Variants in NKAIN3 observed in about 807,000 individuals in gnomAD.
The protein encoded by NKAIN3 is sodium/potassium transporting ATPase interacting 3, also known as sodium/potassium-transporting ATPase subunit beta-1-interacting protein 3.
In NKAIN3, 25 loss-of-function variants were observed where a neutral mutation model predicts 30.2. The observed-to-expected ratio is 0.83, with a 90% CI of 0.60 to 1.16. The LOEUF is 1.16. Ranked by LOEUF, NKAIN3 falls within the 50% of genes most tolerant of loss-of-function variation. The probability of loss-of-function intolerance (pLI) is 0.00; values close to 1 mark genes in which losing one functional copy is unlikely to be tolerated. For missense variants in NKAIN3, 225 were observed against 254.1 expected (o/e 0.89, Z 0.78); for synonymous variants, 91 against 89.6 (o/e 1.02, Z -0.09).
At chr8:62,913,993 G>T (rs1822002244) in intron 4 of NKAIN3, among the ~76,000 whole-genome samples, 2 of 152,148 alleles carry the variant, frequency 1.3e-5, no homozygotes, top group Admixed American at 1.3e-4. Context: ...CTGTTACTGG[G>T]TATATACCCA....
At chr8:62,835,690 A>G (rs1006118413) in intron 4 of NKAIN3, among the ~76,000 whole-genome samples, 6 of 152,246 alleles carry the variant, frequency 3.9e-5, no homozygotes, top group African/African-American at 1.4e-4. Flanking sequence ...TCAAAAAACA[A>G]CAGATGCTGG....
intron 1 of NKAIN3, among the ~76,000 whole-genome samples, chr8:62,409,953 C>T (rs1480610945): frequency 6.6e-6 from 1 of 151,982 alleles, no homozygotes; most frequent in African/African-American, 2.4e-5. Context: ...CAATATTTAG[C>T]AACTTTTTAA....
intron 4 of NKAIN3, among the ~76,000 whole-genome samples, chr8:62,916,870 T>C (rs112176092): frequency 1.3e-4 from 20 of 152,270 alleles, no homozygotes; most frequent in African/African-American, 4.3e-4. Context: ...GGATACTCTC[T>C]GAGTGTGACA....
chr8:62,796,950 T>G (rs1351540480), intron 4 of NKAIN3, among the ~76,000 whole-genome samples: 1 of 152,214 alleles, frequency 6.6e-6, no homozygotes, highest in Admixed American at 6.5e-5. Flanking sequence ...ATCTCACAAG[T>G]ATTTTAGACT....
At chr8:62,473,706 C>T (rs1806427642) in intron 1 of NKAIN3, among the ~76,000 whole-genome samples, 1 of 152,082 alleles carries the variant, frequency 6.6e-6, no homozygotes, top group Admixed American at 6.5e-5. Context: ...TACTTGTCTG[C>T]ATATACATTA....
intron 4 of NKAIN3, among the ~76,000 whole-genome samples, chr8:62,767,126 C>A (rs923804968): frequency 1.3e-5 from 2 of 152,144 alleles, no homozygotes; most frequent in African/African-American, 4.8e-5. Flanking sequence ...ACACTTAATT[C>A]TTTCCCTCCG....
At chr8:62,680,072 G>A (rs941969872) in intron 3 of NKAIN3, among the ~76,000 whole-genome samples, 9 of 152,060 alleles carry the variant, frequency 5.9e-5, no homozygotes, top group Non-Finnish European at 1.3e-4. Flanking sequence ...GCATGAGAGG[G>A]ACTTGACCCA....
At chr8:62,928,631 C>G (rs1429465035) in intron 5 of NKAIN3, among the ~76,000 whole-genome samples, 1 of 152,152 alleles carries the variant, frequency 6.6e-6, no homozygotes, top group African/African-American at 2.4e-5. Context: ...GTATTCTAGA[C>G]GAGGGTTCCA....
chr8:62,248,949 AGCGGCGGCCGCGG>A lies in NKAIN3; in HGVS notation c.-123_-111del. On this transcript the variant is annotated 5_prime_UTR_variant, in exon 1 of 7. Coordinates refer to ENST00000623646, the MANE Select transcript of NKAIN3 (RefSeq NM_001304533.3). ...GCGAGCCCCGAGCCCTGGAGCCGCG[AGCGGCGGCCGCGG>A]GGCCGAGGAGCCTGGGCCGGGCCGG... 1 of 832,542 alleles carries A rather than the reference AGCGGCGGCCGCGG, an allele frequency of 1.2e-6. No individual in the cohort carries two copies. Among genetic ancestry groups the A allele is most frequent in the Non-Finnish European group, 1.8e-6 (1 of 563,210 alleles). The allele number at this position is 832,542 out of a possible 1,614,324, so 51.6% of individuals were successfully genotyped here.
chr8:62,543,217 G>A (rs533509136), intron 1 of NKAIN3, among the ~76,000 whole-genome samples: 1 of 152,150 alleles, frequency 6.6e-6, no homozygotes, highest in Non-Finnish European at 1.5e-5. Flanking sequence ...TGCTGCCTCA[G>A]AGTTCCACAC....
At chr8:62,603,358 T>C (rs1468945289) in intron 3 of NKAIN3, among the ~76,000 whole-genome samples, 1 of 152,142 alleles carries the variant, frequency 6.6e-6, no homozygotes, top group Non-Finnish European at 1.5e-5. Context: ...GATAGCCTTA[T>C]AAAATAAAAC....
At chr8:62,509,533 G>A (rs1028971780) in intron 1 of NKAIN3, among the ~76,000 whole-genome samples, 1 of 152,024 alleles carries the variant, frequency 6.6e-6, no homozygotes, top group Non-Finnish European at 1.5e-5. Context: ...TTAATGAAAT[G>A]CGGCAGTGGT....
At position 62,664,746 on chromosome 8, in the gene NKAIN3, A is replaced by G. The variant is rs10113278; in HGVS notation, c.273+74952A>G. On this transcript the variant is annotated intron_variant, in intron 3 of 6. Coordinates refer to ENST00000623646, the MANE Select transcript of NKAIN3 (RefSeq NM_001304533.3). The stretch of plus-strand genomic sequence containing the variant: ...TTCCACTCATGTTCTTCTCCCCCCT[A>G]TGCATCTACAGTGTTTAGATAACAT... 9.4e-3 allele frequency among the ~76,000 whole-genome samples: 1,432 copies of G among 152,168 alleles called. 24 individuals are homozygous for G. The highest frequency in any genetic ancestry group is 0.033 in the African/African-American group (1,357 of 41,526).
rs1818325441 is a variant in NKAIN3, at chr8:62,807,240, G to A, written c.471+60111G>A. 3.3e-5 allele frequency among the ~76,000 whole-genome samples: 5 copies of A among 152,072 alleles called. No individual in the cohort carries two copies. In the South Asian group the frequency reaches 6.2e-4, roughly 19 times the overall value. On this transcript the variant is annotated intron_variant, in intron 4 of 6. Transcript: ENST00000623646. ...ATAAATGTTAACATTTGCCATTTTT[G>A]TTTCAGGTATGTTTTAATAAACTTG...
chr8:62,731,054 A>C (rs1815447034), intron 3 of NKAIN3, among the ~76,000 whole-genome samples: 1 of 152,132 alleles, frequency 6.6e-6, no homozygotes, highest in Non-Finnish European at 1.5e-5. Context: ...GCTTTCAAGC[A>C]CAAAAATCTA....
At chr8:62,327,916 ATC>A (rs1815198746) in intron 1 of NKAIN3, among the ~76,000 whole-genome samples, 1 of 152,014 alleles carries the variant, frequency 6.6e-6, no homozygotes, top group African/African-American at 2.4e-5. Flanking sequence ...TGAACATGGG[ATC>A]TCTTTCCATT....
chr8:62,545,573 T>C (rs1000516848), intron 1 of NKAIN3, among the ~76,000 whole-genome samples: 1 of 152,104 alleles, frequency 6.6e-6, no homozygotes, highest in Non-Finnish European at 1.5e-5. Flanking sequence ...TCTAAATAAA[T>C]AAATAATGAA....
chr8:62,277,248 A>AT (rs759052953), intron 1 of NKAIN3, among the ~76,000 whole-genome samples: 1 of 152,126 alleles, frequency 6.6e-6, no homozygotes, highest in Non-Finnish European at 1.5e-5. Flanking sequence ...AGTAGGATAC[A>AT]TTTTTTCCTA....
intron 1 of NKAIN3, among the ~76,000 whole-genome samples, chr8:62,432,592 T>C (rs191940418): frequency 7.2e-4 from 110 of 152,206 alleles, no homozygotes; most frequent in African/African-American, 2.4e-3. Flanking sequence ...TTGTCTTTGA[T>C]CTTTCCTGAG....
Sources: allele counts gnomAD v4.1 joint callset (sites outside exome capture counted in the v4.1 genomes callset), GRCh38; gene constraint gnomAD v4.1.1; transcripts MANE v1.5; gene names NCBI Gene and HGNC (gene_info 2026-07-23, HGNC 2026-07-21).